The following BACH2 variants were observed in gnomAD, a reference collection of about 807,000 sequenced individuals.
BACH2 encodes the protein transcription regulator protein BACH2.
Under a neutral mutation model 61.8 loss-of-function variants are expected in BACH2, and 5 were observed. That is an observed-to-expected ratio of 0.08 (90% CI 0.04 to 0.17). The LOEUF (loss-of-function observed/expected upper bound fraction) is 0.17, where lower values mean the gene tolerates loss of function less well. Among genes scored for constraint, BACH2 ranks in the 10% least tolerant of loss-of-function variants. The pLI is 1.00. For synonymous variants in BACH2, 446 were observed against 440.1 expected, an observed-to-expected ratio of 1.01 and a Z score of -0.17; for missense variants, 824 against 1,091.1, an observed-to-expected ratio of 0.76 and a Z score of 3.45.
At chr6:90,139,256 T>C (rs1319565138) in intron 4 of BACH2, among the ~76,000 whole-genome samples, 3 of 152,242 alleles carry the variant, frequency 2.0e-5, no homozygotes, top group Admixed American at 6.5e-5. Flanking sequence ...CTTCTAGTCA[T>C]CCTCTGCCAT....
chr6:89,932,983 C>T (rs968492279), intron 8 of BACH2, 93 bp from the exon 9 acceptor site: 19 of 1,353,670 alleles, frequency 1.4e-5, no homozygotes, highest in Non-Finnish European at 1.9e-5. Context: ...TGTTTTGCAT[C>T]CTCCATTATA....
chr6:90,115,561 A>G (rs538309750), intron 4 of BACH2, among the ~76,000 whole-genome samples: 1 of 152,336 alleles, frequency 6.6e-6, no homozygotes, highest in South Asian at 2.1e-4. Context: ...CCAAACTATA[A>G]AAACCCTGGA....
At chr6:90,069,809 A>G (rs1024856417) in intron 5 of BACH2, among the ~76,000 whole-genome samples, 1 of 152,218 alleles carries the variant, frequency 6.6e-6, no homozygotes, top group Non-Finnish European at 1.5e-5. Flanking sequence ...TTAGGAAAAG[A>G]TGGAAGCAGA....
chr6:90,229,072 G>C (rs570782020), intron 3 of BACH2, among the ~76,000 whole-genome samples: 1 of 152,332 alleles, frequency 6.6e-6, no homozygotes, highest in African/African-American at 2.4e-5. Context: ...TGAACTCACA[G>C]ACCAAGTTCT....
intron 4 of BACH2, among the ~76,000 whole-genome samples, chr6:90,163,722 G>C (rs1175309083): frequency 6.6e-6 from 1 of 152,152 alleles, no homozygotes; most frequent in East Asian, 1.9e-4. Flanking sequence ...GTTCTATACA[G>C]CTTAGTTTCC....
chr6:90,203,124 A>C (rs941477028), intron 4 of BACH2, among the ~76,000 whole-genome samples: 1 of 152,110 alleles, frequency 6.6e-6, no homozygotes. Context: ...TAAAAGTTAA[A>C]TTTTGGCCAG....
At chr6:90,234,617 A>G (rs549428426) in intron 3 of BACH2, among the ~76,000 whole-genome samples, 1 of 152,360 alleles carries the variant, frequency 6.6e-6, no homozygotes, top group South Asian at 2.1e-4. Context: ...TGTTTATACA[A>G]CTATCCTAAA....
intron 1 of BACH2, among the ~76,000 whole-genome samples, chr6:90,277,863 CAAG>C (rs1220442299): frequency 1.3e-5 from 2 of 152,256 alleles, no homozygotes; most frequent in South Asian, 2.1e-4. Flanking sequence ...GCATTTTAAG[CAAG>C]AAGAATATAC....
At position 90,049,897 on chromosome 6, in the gene BACH2, C is replaced by T. The variant is rs192032465; in HGVS notation, c.-13+39064G>A. 9.9e-5 allele frequency among the ~76,000 whole-genome samples: 15 copies of T among 152,268 alleles called. No individual in the cohort carries two copies. The East Asian group carries it at 2.9e-3, about 29-fold the overall frequency. On this transcript the variant is annotated intron_variant, in intron 5 of 8. Coordinates refer to ENST00000257749, the MANE Select transcript of BACH2 (RefSeq NM_021813.4). ...CACAAGTAACTGTTTTCAGAGAACA[C>T]CATTTTTACTTGAAAGAATGACTGA...
At chr6:90,148,617 A>C (rs1229846214) in intron 4 of BACH2, among the ~76,000 whole-genome samples, 1 of 152,160 alleles carries the variant, frequency 6.6e-6, no homozygotes, top group East Asian at 1.9e-4. Flanking sequence ...ACATGGTAAA[A>C]ATTGAAGAGA....
At chr6:90,152,411 A>C (rs543286228) in intron 4 of BACH2, among the ~76,000 whole-genome samples, 37 of 152,338 alleles carry the variant, frequency 2.4e-4, no homozygotes, top group African/African-American at 8.7e-4. Flanking sequence ...TGCATATTTT[A>C]GTAATAGGGC....
intron 5 of BACH2, among the ~76,000 whole-genome samples, chr6:90,013,860 A>G: frequency 6.6e-6 from 1 of 151,280 alleles, no homozygotes; most frequent in Non-Finnish European, 1.5e-5. Context: ...GCTCACTGCA[A>G]CCTTGAATTC....
intron 3 of BACH2, among the ~76,000 whole-genome samples, chr6:90,211,126 CAAAAAAAAAA>C (rs3072672): frequency 2.2e-5 from 1 of 45,360 alleles, no homozygotes; most frequent in Non-Finnish European, 3.8e-5. Context: ...GACTCCATCT[CAAAAAAAAAA>C]AAAAAAAAAA....
intron 1 of BACH2, among the ~76,000 whole-genome samples, chr6:90,275,440 TTG>T (rs56393660): frequency 0.1 from 15,464 of 152,244 alleles, 1,109 homozygotes; most frequent in East Asian, 0.36. Flanking sequence ...TAACCAAAAT[TTG>T]TTTTTACTTT....
intron 5 of BACH2, among the ~76,000 whole-genome samples, chr6:90,082,295 C>T (rs1262543259): frequency 6.6e-6 from 1 of 152,078 alleles, no homozygotes; most frequent in Non-Finnish European, 1.5e-5. Flanking sequence ...TCCAGAGGCC[C>T]ACTAGGATCT....
rs1470335655 is a variant in BACH2, at chr6:90,079,826, T to TA, written c.-13+9134dup. 8.6e-5 allele frequency among the ~76,000 whole-genome samples: 13 copies of TA among 152,032 alleles called. No homozygotes were observed. The East Asian group carries it at 2.1e-3, about 25-fold the overall frequency. On this transcript the variant is annotated intron_variant, in intron 5 of 8. Coordinates refer to ENST00000257749, the MANE Select transcript of BACH2 (RefSeq NM_021813.4). ...CCACCTACCACACAACTTCAAAATG[T>TA]AAAAAAACCCAGACCAGGGTTTGTC...
intron 5 of BACH2, among the ~76,000 whole-genome samples, chr6:90,036,982 T>C (rs1396002131): frequency 5.9e-5 from 9 of 152,186 alleles, no homozygotes; most frequent in African/African-American, 2.2e-4. Flanking sequence ...TCTGTTTTTC[T>C]TCTTTCAGTC....
intron 6 of BACH2, among the ~76,000 whole-genome samples, chr6:89,979,946 C>A (rs1775860244): frequency 1.3e-5 from 2 of 152,134 alleles, no homozygotes; most frequent in South Asian, 4.1e-4. Context: ...TCAAGTAGTG[C>A]AAATATGAAC....
chr6:89,966,036 G>A (rs1219409282), intron 6 of BACH2, among the ~76,000 whole-genome samples: 1 of 152,190 alleles, frequency 6.6e-6, no homozygotes, highest in Non-Finnish European at 1.5e-5. Flanking sequence ...GAAGATGTAT[G>A]TATCAGCTTC....
Sources: allele counts gnomAD v4.1 joint callset (sites outside exome capture counted in the v4.1 genomes callset), GRCh38; gene constraint gnomAD v4.1.1; transcripts MANE v1.5; gene names NCBI Gene and HGNC (gene_info 2026-07-23, HGNC 2026-07-21).